The following TMEM108 variants were observed in gnomAD, a reference collection of about 807,000 sequenced individuals.
TMEM108 encodes cancer/testis antigen 124.
In TMEM108, 12 loss-of-function variants were observed where a neutral mutation model predicts 35.1. The ratio of observed to expected loss-of-function variants is 0.34; its 90% CI spans 0.22 to 0.55. The LOEUF is 0.55. TMEM108 is among the 20% of genes least tolerant of loss of function. TMEM108 has a pLI of 0.89. For synonymous variants in TMEM108, 287 were observed against 308.6 expected (o/e 0.93, Z 0.73); for missense variants, 680 against 753.3 (o/e 0.90, Z 1.14).
chr3:133,150,248 A>C (rs939776815), intron 2 of TMEM108, among the ~76,000 whole-genome samples: 1 of 151,554 alleles, frequency 6.6e-6, no homozygotes, highest in African/African-American at 2.4e-5. Flanking sequence ...AGTGATGTTG[A>C]GTACCTTTTC....
intron 3 of TMEM108, among the ~76,000 whole-genome samples, chr3:133,362,524 A>G (rs1364420707): frequency 6.6e-6 from 1 of 152,230 alleles, no homozygotes; most frequent in Non-Finnish European, 1.5e-5. Context: ...CTGAAGACCA[A>G]GGGCAAATTT....
At chr3:133,333,551 A>C (rs556467791) in intron 3 of TMEM108, among the ~76,000 whole-genome samples, 1 of 152,302 alleles carries the variant, frequency 6.6e-6, no homozygotes, top group African/African-American at 2.4e-5. Context: ...AAATAAATAA[A>C]CAATAAAGGA....
chr3:133,387,057 A>AAAT (rs1344219059), intron 4 of TMEM108: 1 of 985,582 alleles, frequency 1.0e-6, no homozygotes, highest in African/African-American at 1.7e-5. Context: ...GAGACCACTG[A>AAAT]AATAGTGAAT....
intron 4 of TMEM108, chr3:133,387,592 A>G: frequency 1.2e-5 from 12 of 961,398 alleles, no homozygotes; most frequent in Non-Finnish European, 1.5e-5. Flanking sequence ...CCAGGTTAGC[A>G]GCATGGCCTT....
At chr3:133,161,772 G>A (rs1379911042) in intron 2 of TMEM108, among the ~76,000 whole-genome samples, 1 of 151,084 alleles carries the variant, frequency 6.6e-6, no homozygotes, top group African/African-American at 2.4e-5. Context: ...ATCTTGTCTC[G>A]CCATTTCTGA....
intron 2 of TMEM108, among the ~76,000 whole-genome samples, chr3:133,081,117 C>G (rs961771815): frequency 1.3e-4 from 20 of 152,202 alleles, no homozygotes; most frequent in African/African-American, 4.6e-4. Context: ...ATGCCTTCAT[C>G]CATACCTTCA....
At chr3:133,314,869 A>T (rs2071176926) in intron 3 of TMEM108, among the ~76,000 whole-genome samples, 1 of 152,228 alleles carries the variant, frequency 6.6e-6, no homozygotes, top group Admixed American at 6.5e-5. Flanking sequence ...TAACAGTGAC[A>T]ACGACAACCT....
At chr3:133,387,318 G>A in intron 4 of TMEM108, 1 of 985,438 alleles carries the variant, frequency 1.0e-6, no homozygotes, top group Non-Finnish European at 1.2e-6. Flanking sequence ...GTCACAATTT[G>A]AACCTAGGTC....
At chr3:133,278,755 A>G (rs980709680) in intron 3 of TMEM108, among the ~76,000 whole-genome samples, 2 of 152,340 alleles carry the variant, frequency 1.3e-5, no homozygotes, top group East Asian at 1.9e-4. Flanking sequence ...GCACGTGACT[A>G]TACATGGAGA....
chr3:133,199,370 T>G (rs939190831), intron 2 of TMEM108, among the ~76,000 whole-genome samples: 5 of 152,224 alleles, frequency 3.3e-5, no homozygotes, highest in Middle Eastern at 3.2e-3. Context: ...ACTCTGATTT[T>G]TAGAATTTTC....
chr3:133,273,706 A>T (rs747759701), intron 3 of TMEM108, among the ~76,000 whole-genome samples: 3 of 152,246 alleles, frequency 2.0e-5, no homozygotes, highest in Non-Finnish European at 2.9e-5. Flanking sequence ...CAGTTAAATT[A>T]CAAAATGCTC....
chr3:133,220,634 A>G (rs1323184888), intron 2 of TMEM108, among the ~76,000 whole-genome samples: 1 of 152,088 alleles, frequency 6.6e-6, no homozygotes, highest in Admixed American at 6.5e-5. Context: ...TCTGACACCA[A>G]ATGTGTGAGG....
intron 4 of TMEM108, among the ~76,000 whole-genome samples, chr3:133,384,982 C>T (rs1245307374): frequency 6.6e-6 from 1 of 152,094 alleles, no homozygotes; most frequent in African/African-American, 2.4e-5. Flanking sequence ...ACCCTCTGCA[C>T]CTGGTCCCCA....
chr3:133,152,231 C>T (rs925420000), intron 2 of TMEM108, among the ~76,000 whole-genome samples: 53 of 152,174 alleles, frequency 3.5e-4, no homozygotes, highest in African/African-American at 1.2e-3. Context: ...TGCTAAGGAA[C>T]AGCAATAGCA....
intron 3 of TMEM108, among the ~76,000 whole-genome samples, chr3:133,342,555 T>TATATATATACACACAC (rs60991711): frequency 7.9e-5 from 5 of 63,426 alleles, no homozygotes; most frequent in African/African-American, 2.6e-4. Flanking sequence ...TATATATATA[T>TATATATATACACACAC]ACACACACAC....
At chr3:133,387,066 A>G in intron 4 of TMEM108, 1 of 985,680 alleles carries the variant, frequency 1.0e-6, no homozygotes, top group Non-Finnish European at 1.2e-6. Flanking sequence ...GAAATAGTGA[A>G]TGTTCTAACC....
chr3:133,126,173 A>C (rs1415879237), intron 2 of TMEM108, among the ~76,000 whole-genome samples: 1 of 152,070 alleles, frequency 6.6e-6, no homozygotes, highest in South Asian at 2.1e-4. Context: ...TTTTTTAAAA[A>C]AGTGATGTTC....
At chr3:133,367,551 C>G (rs930760206) in intron 3 of TMEM108, among the ~76,000 whole-genome samples, 7 of 152,356 alleles carry the variant, frequency 4.6e-5, no homozygotes, top group African/African-American at 1.4e-4. Flanking sequence ...GTTGCCTGAG[C>G]TGTTTCGTTC....
intron 3 of TMEM108, among the ~76,000 whole-genome samples, chr3:133,332,981 G>A (rs1424610625): frequency 2.0e-5 from 3 of 152,142 alleles, no homozygotes; most frequent in Non-Finnish European, 2.9e-5. Flanking sequence ...CCCCATCTGC[G>A]GCCAGAGTGG....
Sources: allele counts gnomAD v4.1 joint callset (sites outside exome capture counted in the v4.1 genomes callset), GRCh38; gene constraint gnomAD v4.1.1; transcripts MANE v1.5; gene names NCBI Gene and HGNC (gene_info 2026-07-23, HGNC 2026-07-21).